The following TBC1D32 variants were observed in gnomAD, a reference collection of about 807,000 sequenced individuals.
The protein encoded by TBC1D32 is TBC1 domain family member 32.
Under a neutral mutation model 170.3 loss-of-function variants are expected in TBC1D32, and 151 were observed. The ratio of observed to expected loss-of-function variants is 0.89; its 90% confidence interval spans 0.78 to 1.01. TBC1D32 has a LOEUF of 1.01. TBC1D32 is among the 50% of genes least tolerant of loss of function. The probability of loss-of-function intolerance (pLI) is 0.00; values close to 1 mark genes in which losing one functional copy is unlikely to be tolerated. For synonymous variants in TBC1D32, 498 were observed against 488.0 expected, an observed-to-expected ratio of 1.02 and a Z score of -0.27; for missense variants, 1,464 against 1,457.1, an observed-to-expected ratio of 1.00 and a Z score of -0.08.
At chr6:121,153,586 C>T (rs1051374086) in intron 24 of TBC1D32, among the ~76,000 whole-genome samples, 1 of 152,116 alleles carries the variant, frequency 6.6e-6, no homozygotes, top group Non-Finnish European at 1.5e-5. Flanking sequence ...GCTGTAGCTG[C>T]ACCCACAACC....
At chr6:121,237,256 T>G (rs1796441389) in intron 20 of TBC1D32, among the ~76,000 whole-genome samples, 1 of 152,024 alleles carries the variant, frequency 6.6e-6, no homozygotes, top group Non-Finnish European at 1.5e-5. Flanking sequence ...TATGAAAAAT[T>G]TTTCTGCTAA....
At chr6:121,274,732 A>G (rs1434811953) in intron 15 of TBC1D32, among the ~76,000 whole-genome samples, 1 of 152,170 alleles carries the variant, frequency 6.6e-6, no homozygotes, top group Non-Finnish European at 1.5e-5. Flanking sequence ...ATGAAAAATA[A>G]GGCTACTCCA....
At chr6:121,151,538 G>GC (rs1784209656) in intron 24 of TBC1D32, among the ~76,000 whole-genome samples, 1 of 152,052 alleles carries the variant, frequency 6.6e-6, no homozygotes, top group South Asian at 2.1e-4. Flanking sequence ...ACAGCTGAGT[G>GC]CAAGTCCTGA....
In TBC1D32 at chr6:121,292,137, T is replaced by G. The variant is rs74677725; in HGVS notation, c.1288A>C (p.Ile430Leu). The change falls in exon 12 of 32, where the codon ATT (isoleucine) becomes CTT (leucine). Residue 430 changes from isoleucine (I) to leucine (L), a missense_variant. Around this residue, in one of 3 missense-constraint regions of TBC1D32, gnomAD observed 1,363 missense variants for 1,338.1 expected, o/e 1.02. Coordinates refer to ENST00000398212, the MANE Select transcript of TBC1D32 (RefSeq NM_152730.6). Reference sequence around the variant, plus strand: ...CTTCCTAAAAGGCACAGTGAGTGAATGAAATAAATATATTGTAATTCTTGT... The same window carrying G: ...CTTCCTAAAAGGCACAGTGAGTGAAGGAAATAAATATATTGTAATTCTTGT... ...LGQELQYIYF[I>L]HSLCLLGRLL... 2,549 of 1,604,848 alleles carry G rather than the reference T, an allele frequency of 1.6e-3. 32 individuals are homozygous for G. The African/African-American group carries it at 0.029, about 18-fold the overall frequency.
chr6:121,244,614 A>T (rs1450393800), intron 17 of TBC1D32, among the ~76,000 whole-genome samples: 1 of 152,144 alleles, frequency 6.6e-6, no homozygotes, highest in African/African-American at 2.4e-5. Context: ...TTATTCATGC[A>T]CTTATTTTCT....
chr6:121,289,667 C>T (rs926993808), intron 12 of TBC1D32, among the ~76,000 whole-genome samples: 12 of 152,016 alleles, frequency 7.9e-5, no homozygotes, highest in African/African-American at 1.2e-4. Flanking sequence ...TCATATGGAA[C>T]CAAAAAAGAG....
intron 20 of TBC1D32, among the ~76,000 whole-genome samples, chr6:121,231,709 G>GT (rs1286934089): frequency 2.0e-5 from 3 of 151,808 alleles, no homozygotes; most frequent in Admixed American, 2.0e-4. Flanking sequence ...GGCCATTTGT[G>GT]TATCTTCTTT....
intron 21 of TBC1D32, among the ~76,000 whole-genome samples, chr6:121,209,302 C>T (rs942628979): frequency 6.6e-6 from 1 of 152,130 alleles, no homozygotes; most frequent in Non-Finnish European, 1.5e-5. Flanking sequence ...TTCCTCCTGC[C>T]TTATTGATTA....
At chr6:121,086,211 T>G (rs1277364932) in intron 31 of TBC1D32, among the ~76,000 whole-genome samples, 1 of 152,130 alleles carries the variant, frequency 6.6e-6, no homozygotes. Context: ...TCATCTCATT[T>G]AATTCTTCAA....
chr6:121,210,388 C>A lies in TBC1D32; in HGVS notation c.2482-5225G>T, dbSNP rs140624163. ...ACACATAATCTTCTTAATCAGCCTA[C>A]CAGGAAACAGGCACTATAATATCTT... On this transcript the variant is annotated intron_variant, in intron 21 of 31. Transcript: ENST00000398212. Among the ~76,000 whole-genome samples, 299 of 152,210 alleles carry A rather than the reference C, an allele frequency of 2.0e-3. 15 individuals carry two copies. The East Asian group carries it at 0.052, about 27-fold the overall frequency.
At chr6:121,266,728 G>A (rs1023208575) in intron 15 of TBC1D32, among the ~76,000 whole-genome samples, 3 of 152,090 alleles carry the variant, frequency 2.0e-5, no homozygotes, top group Non-Finnish European at 4.4e-5. Context: ...ATACTATGCA[G>A]CCATAAAAAT....
intron 24 of TBC1D32, among the ~76,000 whole-genome samples, chr6:121,134,019 CT>C (rs1419044430): frequency 6.6e-6 from 1 of 151,940 alleles, no homozygotes; most frequent in Non-Finnish European, 1.5e-5. Flanking sequence ...TTAAATGTAT[CT>C]TGACAAGAAT....
intron 15 of TBC1D32, among the ~76,000 whole-genome samples, chr6:121,262,675 C>T (rs1799920479): frequency 6.6e-6 from 1 of 152,040 alleles, no homozygotes; most frequent in Admixed American, 6.6e-5. Context: ...CAGAGTTTCG[C>T]CATGTTGGCC....
chr6:121,278,571 T>C (rs1563204751), intron 15 of TBC1D32, among the ~76,000 whole-genome samples: 1 of 152,148 alleles, frequency 6.6e-6, no homozygotes, highest in Non-Finnish European at 1.5e-5. Flanking sequence ...GAATAAATTG[T>C]GGTACAGCTA....
At chr6:121,152,210 C>T (rs1784310874) in intron 24 of TBC1D32, among the ~76,000 whole-genome samples, 1 of 152,052 alleles carries the variant, frequency 6.6e-6, no homozygotes, top group Admixed American at 6.6e-5. Flanking sequence ...TGACAAAATC[C>T]CTCAGCATTT....
At chr6:121,103,788 C>T (rs1001699092) in intron 30 of TBC1D32, among the ~76,000 whole-genome samples, 5 of 151,824 alleles carry the variant, frequency 3.3e-5, no homozygotes, top group African/African-American at 1.2e-4. Context: ...TTAGACAATA[C>T]ACATTACACT....
intron 21 of TBC1D32, among the ~76,000 whole-genome samples, chr6:121,212,832 C>T (rs1348999388): frequency 1.3e-5 from 2 of 152,126 alleles, no homozygotes; most frequent in Admixed American, 6.5e-5. Context: ...TACAGCAGCA[C>T]ATCAAAAAAC....
In TBC1D32 at chr6:121,303,137, A is replaced by G. The variant is rs537317664; in HGVS notation, c.1080+480T>C. ...TACTAGTAGTTTCAGTTTCAGCTTC[A>G]TAAGAAATTGCCAGGTTCAGGTATT... On this transcript the variant is annotated intron_variant, in intron 9 of 31. Transcript: ENST00000398212. Among the ~76,000 whole-genome samples the G allele has an allele frequency of 5.5e-4, 84 of 152,280 alleles. 1 individual carries two copies. The highest frequency in any genetic ancestry group is 3.4e-3 in the Middle Eastern group (1 of 294).
chr6:121,276,636 C>T lies in TBC1D32; in HGVS notation c.1733+2485G>A, dbSNP rs888899567. On this transcript the variant is annotated intron_variant, in intron 15 of 31. Coordinates refer to ENST00000398212, the MANE Select transcript of TBC1D32 (RefSeq NM_152730.6). The stretch of plus-strand genomic sequence containing the variant: ...TAGATTAAAAGTCAAGACCCAACTA[C>T]ATGTTGTCTATAAAAATCCCACTTT... Among the ~76,000 whole-genome samples the T allele has an allele frequency of 4.6e-5, 7 of 152,076 alleles. No homozygotes were observed. The East Asian group carries it at 1.2e-3, about 25-fold the overall frequency.
Sources: allele counts gnomAD v4.1 joint callset (sites outside exome capture counted in the v4.1 genomes callset), GRCh38; gene constraint gnomAD v4.1.1; regional missense constraint gnomAD v4.1.1; transcripts MANE v1.5; gene names NCBI Gene and HGNC (gene_info 2026-07-23, HGNC 2026-07-21).